The following PCDH15 variants were observed in gnomAD, a reference collection of about 807,000 sequenced individuals.
The protein encoded by PCDH15 is protocadherin related 15.
A neutral mutation model predicts 178.5 loss-of-function variants in PCDH15; 129 were observed. That is an observed-to-expected ratio of 0.72 (90% CI 0.63 to 0.84). The LOEUF is 0.84. PCDH15 is among the 40% of genes least tolerant of loss of function. PCDH15 has a pLI of 0.00. For synonymous variants in PCDH15, 800 were observed against 732.0 expected (o/e 1.09, Z -1.50); for missense variants, 2,230 against 2,099.9 (o/e 1.06, Z -1.21).
intron 5 of PCDH15, among the ~76,000 whole-genome samples, chr10:54,347,187 T>C (rs1442497587): frequency 6.6e-6 from 1 of 152,210 alleles, no homozygotes; most frequent in Non-Finnish European, 1.5e-5. Context: ...TATTTTTTTT[T>C]ACCTGTAGGT....
At chr10:54,518,384 C>A (rs1479084085) in intron 3 of PCDH15, among the ~76,000 whole-genome samples, 1 of 151,836 alleles carries the variant, frequency 6.6e-6, no homozygotes, top group Non-Finnish European at 1.5e-5. Context: ...GGGATATCAC[C>A]ACCGATCCCA....
chr10:54,775,017 G>C (rs535231262), intron 1 of PCDH15, among the ~76,000 whole-genome samples: 1 of 152,214 alleles, frequency 6.6e-6, no homozygotes, highest in African/African-American at 2.4e-5. Flanking sequence ...CAATTAGACT[G>C]TTTTATATCA....
intron 2 of PCDH15, among the ~76,000 whole-genome samples, chr10:54,924,763 C>T (rs1264127112): frequency 2.0e-5 from 3 of 152,108 alleles, no homozygotes; most frequent in Admixed American, 2.0e-4. Flanking sequence ...AGTGTCTGTT[C>T]ATGTCCTTTG....
intron 2 of PCDH15, among the ~76,000 whole-genome samples, chr10:55,148,086 GA>G (rs1591942234): frequency 2.1e-5 from 3 of 145,192 alleles, no homozygotes; most frequent in East Asian, 2.0e-4. Context: ...TATTTTAACA[GA>G]AAAAAATTCT....
intron 2 of PCDH15, among the ~76,000 whole-genome samples, chr10:54,925,495 T>G (rs1670810): frequency 0.14 from 20,577 of 152,180 alleles, 1,578 homozygotes; most frequent in East Asian, 0.23. Flanking sequence ...GTCATTGGTA[T>G]TTCCATAGGA....
chr10:54,275,192 GAA>G (rs35278580), intron 8 of PCDH15, among the ~76,000 whole-genome samples: 74,683 of 150,962 alleles, frequency 0.49, 19,336 homozygotes, highest in Middle Eastern at 0.6. Flanking sequence ...AACCAATTAG[GAA>G]AAAAATATAT....
At chr10:55,564,207 C>T (rs565168004) in intron 2 of PCDH15, among the ~76,000 whole-genome samples, 1 of 151,530 alleles carries the variant, frequency 6.6e-6, no homozygotes, top group South Asian at 2.1e-4. Flanking sequence ...TTTTTGAATG[C>T]ACAATGTATA....
intron 2 of PCDH15, among the ~76,000 whole-genome samples, chr10:55,144,012 A>AGG (rs1554834780): frequency 3.7e-5 from 4 of 107,862 alleles, no homozygotes; most frequent in South Asian, 3.6e-4. Context: ...CTTGGGTGTA[A>AGG]GGGGAAAAAA....
At chr10:54,519,625 T>C (rs1272574059) in intron 3 of PCDH15, among the ~76,000 whole-genome samples, 3 of 152,192 alleles carry the variant, frequency 2.0e-5, no homozygotes, top group Admixed American at 6.5e-5. Context: ...ATTGTGAAAA[T>C]GGCCATACTG....
In PCDH15 at chr10:54,727,157, T is replaced by C. The variant is rs867746682; in HGVS notation, c.-28-62867A>G. Among the ~76,000 whole-genome samples the C allele has an allele frequency of 3.3e-5, 5 of 151,502 alleles. No individual in the cohort carries two copies. In the Middle Eastern group the frequency reaches 0.014, roughly 412 times the overall value. On this transcript the variant is annotated intron_variant, in intron 1 of 37. Transcript: ENST00000644397. ...CAGCAGAATATACATTCTTCTTACC[T>C]GCACATGGTACACTAAAATCAACCA...
intron 8 of PCDH15, among the ~76,000 whole-genome samples, chr10:54,302,897 C>T (rs1016586149): frequency 3.3e-5 from 5 of 152,072 alleles, no homozygotes; most frequent in South Asian, 4.1e-4. Flanking sequence ...TTAGGCTTTA[C>T]AAGCCTATAT....
At chr10:54,672,526 T>TA (rs1349657242) in intron 1 of PCDH15, among the ~76,000 whole-genome samples, 6 of 152,166 alleles carry the variant, frequency 3.9e-5, no homozygotes, top group Non-Finnish European at 8.8e-5. Context: ...AAACGTATTG[T>TA]AAACTGCCTT....
At chr10:54,254,809 T>C (rs2056774141) in intron 8 of PCDH15, among the ~76,000 whole-genome samples, 1 of 152,234 alleles carries the variant, frequency 6.6e-6, no homozygotes, top group Admixed American at 6.5e-5. Context: ...AAGGCACTGA[T>C]AGATGCTTCA....
At position 54,658,977 on chromosome 10, in the gene PCDH15, CA is replaced by C. The variant is rs561681650; in HGVS notation, c.91+5194del. 4.8e-3 allele frequency among the ~76,000 whole-genome samples: 735 copies of C among 152,060 alleles called. 10 individuals are homozygous for C. The highest frequency in any genetic ancestry group is 6.8e-3 in the Middle Eastern group (2 of 292). On this transcript the variant is annotated intron_variant, in intron 2 of 37. Transcript: ENST00000644397. ...TACACAAATAGAAAACAACAAAGAT[CA>C]GGGGTGCTATTCTTGTATCAGATGA...
chr10:55,356,802 G>A lies in PCDH15; in HGVS notation c.-155-190151C>T, dbSNP rs116721588. Among the ~76,000 whole-genome samples, 859 of 151,952 alleles carry A rather than the reference G, an allele frequency of 5.7e-3. 10 individuals carry two copies. Among genetic ancestry groups the A allele is most frequent in the African/African-American group, 0.02 (817 of 41,500 alleles). Reference sequence around the variant, plus strand: ...GAGACAGACAAATAAGTAACATTCCGAGATTACATCATTTGTAGTAGAAGA... The same window carrying A: ...GAGACAGACAAATAAGTAACATTCCAAGATTACATCATTTGTAGTAGAAGA... On this transcript the variant is annotated intron_variant, in intron 2 of 5. Transcript: ENST00000613346.
At chr10:54,894,299 G>A (rs1349106915) in intron 3 of PCDH15, among the ~76,000 whole-genome samples, 1 of 152,164 alleles carries the variant, frequency 6.6e-6, no homozygotes, top group East Asian at 1.9e-4. Context: ...GAGTATACAT[G>A]ATGAGGGTAA....
chr10:53,998,404 A>T (rs930515518), intron 20 of PCDH15, among the ~76,000 whole-genome samples: 1 of 152,218 alleles, frequency 6.6e-6, no homozygotes, highest in African/African-American at 2.4e-5. Context: ...GTGTCAAGCA[A>T]ATAAAATTAT....
At chr10:54,255,221 G>A (rs1002120542) in intron 8 of PCDH15, among the ~76,000 whole-genome samples, 3 of 152,184 alleles carry the variant, frequency 2.0e-5, no homozygotes, top group African/African-American at 2.4e-5. Flanking sequence ...TCCTGACATC[G>A]ATTTCCTTCT....
rs184948999 is a variant in PCDH15 at position 54,076,318 on chromosome 10, A to G, written c.2091+3013T>C. Among the ~76,000 whole-genome samples, 3 of 152,278 alleles carry G rather than the reference A, an allele frequency of 2.0e-5. No individual in the cohort carries two copies. In the East Asian group the frequency reaches 5.8e-4, roughly 29 times the overall value. ...TGATTTTGTACTCTGATACTTTGCA[A>G]AATTTCTTAGTTCCAACATTTGTGT... On this transcript the variant is annotated intron_variant, in intron 17 of 37. Transcript: ENST00000644397.
Sources: allele counts gnomAD v4.1 joint callset (sites outside exome capture counted in the v4.1 genomes callset), GRCh38; gene constraint gnomAD v4.1.1; transcripts MANE v1.5; gene names NCBI Gene and HGNC (gene_info 2026-07-23, HGNC 2026-07-21).